ITGA11: variants seen among roughly 807,000 people sequenced by gnomAD.
The protein encoded by ITGA11 is integrin alpha-11.
Under a neutral mutation model 141.9 loss-of-function variants are expected in ITGA11, and 97 were observed. That is an observed-to-expected ratio of 0.68 (90% CI 0.58 to 0.81). ITGA11 has a LOEUF of 0.81. ITGA11 is among the 30% of genes least tolerant of loss of function. ITGA11 has a pLI of 0.00. For missense variants in ITGA11, 1,387 were observed against 1,559.2 expected (o/e 0.89, Z 1.86); for synonymous variants, 658 against 624.6 (o/e 1.05, Z -0.80).
intron 1 of ITGA11, among the ~76,000 whole-genome samples, chr15:68,409,304 T>C (rs1203723086): frequency 6.6e-6 from 1 of 152,174 alleles, no homozygotes; most frequent in African/African-American, 2.4e-5. Flanking sequence ...TTAGGTTATA[T>C]GCTATTCAAG....
intron 3 of ITGA11, among the ~76,000 whole-genome samples, chr15:68,368,410 T>C (rs1387298566): frequency 1.3e-5 from 2 of 152,216 alleles, no homozygotes; most frequent in East Asian, 3.8e-4. Flanking sequence ...AGCACTTTAG[T>C]GGACTGGTGT....
At chr15:68,320,955 G>A (rs1204616898) in intron 19 of ITGA11, among the ~76,000 whole-genome samples, 1 of 152,050 alleles carries the variant, frequency 6.6e-6, no homozygotes, top group East Asian at 1.9e-4. Flanking sequence ...ATGTTCGTTT[G>A]TCTCTTCCAG....
chr15:68,409,187 C>T (rs567714392), intron 1 of ITGA11, among the ~76,000 whole-genome samples: 1 of 152,294 alleles, frequency 6.6e-6, no homozygotes, highest in African/African-American at 2.4e-5. Flanking sequence ...CCTCTGATGA[C>T]ACCTCTGCTG....
intron 24 of ITGA11, among the ~76,000 whole-genome samples, chr15:68,312,407 C>T (rs905855163): frequency 1.1e-4 from 16 of 152,100 alleles, no homozygotes; most frequent in African/African-American, 4.8e-5. Flanking sequence ...GGTAAGTTCA[C>T]GCTGAGGATG....
At chr15:68,338,914 C>T (rs949430432) in intron 11 of ITGA11, among the ~76,000 whole-genome samples, 26 of 152,180 alleles carry the variant, frequency 1.7e-4, no homozygotes, top group Admixed American at 2.6e-4. Flanking sequence ...CAAGCCATGG[C>T]GAATGGGACA....
At chr15:68,345,690 G>A (rs990583445) in intron 10 of ITGA11, among the ~76,000 whole-genome samples, 1 of 152,182 alleles carries the variant, frequency 6.6e-6, no homozygotes, top group Non-Finnish European at 1.5e-5. Context: ...CATCTGTGGC[G>A]CTTCTGGCAG....
chr15:68,398,832 A>AT (rs1896392519), intron 2 of ITGA11, among the ~76,000 whole-genome samples: 1 of 147,376 alleles, frequency 6.8e-6, no homozygotes, highest in Non-Finnish European at 1.5e-5. Flanking sequence ...ATAAAATATA[A>AT]ATATTTTATA....
At chr15:68,315,752 G>A in intron 21 of ITGA11, 25 bp from the exon 22 acceptor site, 4 of 1,577,522 alleles carry the variant, frequency 2.5e-6, no homozygotes, top group Non-Finnish European at 3.5e-6. Context: ...TCGCATGTCT[G>A]GGCATTGCTG....
intron 1 of ITGA11, among the ~76,000 whole-genome samples, chr15:68,412,596 C>T (rs113620787): frequency 1.3e-5 from 2 of 151,508 alleles, no homozygotes; most frequent in Admixed American, 6.6e-5. Context: ...ACGAACTCCC[C>T]GTTAGACAAG....
At chr15:68,330,045 G>A (rs1409381811) in intron 15 of ITGA11, among the ~76,000 whole-genome samples, 2 of 152,250 alleles carry the variant, frequency 1.3e-5, no homozygotes, top group Non-Finnish European at 1.5e-5. Flanking sequence ...AGCAGCACGC[G>A]TGGTGAGGAC....
chr15:68,316,796 T>G (rs1027713119), intron 21 of ITGA11, among the ~76,000 whole-genome samples: 1 of 152,216 alleles, frequency 6.6e-6, no homozygotes, highest in African/African-American at 2.4e-5. Flanking sequence ...AAACACTCCC[T>G]GCAATCTGGC....
chr15:68,379,672 A>G (rs577206416), intron 2 of ITGA11, among the ~76,000 whole-genome samples: 1 of 152,350 alleles, frequency 6.6e-6, no homozygotes, highest in Admixed American at 6.5e-5. Context: ...CTCCCCGCAG[A>G]GAGGCTGGAC....
At position 68,307,571 on chromosome 15, in the gene ITGA11, A is replaced by C; in HGVS notation, c.3285+15T>G. The C allele has an allele frequency of 6.3e-7, 1 of 1,591,104 alleles. No homozygotes were observed. The highest frequency in any genetic ancestry group is 8.6e-7 in the Non-Finnish European group (1 of 1,161,136). On this transcript the variant is annotated intron_variant, in intron 27 of 29. Coordinates refer to ENST00000315757, the MANE Select transcript of ITGA11 (RefSeq NM_001004439.2). The surrounding 1 kb of genome is among the most constrained non-coding windows in gnomAD (Gnocchi z 6.1). ...TCCCTTCTTCCTTCCAGCCCAGCCC[A>C]GGGGCTCTACTTACTGCTTTTAGGG...
At chr15:68,358,704 G>A in intron 5 of ITGA11, 119 bp from the exon 6 acceptor site, 1 of 1,144,740 alleles carries the variant, frequency 8.7e-7, no homozygotes, top group Non-Finnish European at 1.2e-6. Flanking sequence ...TAATTCCCTG[G>A]GCTGGGAAAC....
chr15:68,357,030 A>T, intron 7 of ITGA11, 121 bp downstream of exon 7: 2 of 928,456 alleles, frequency 2.2e-6, no homozygotes, highest in Non-Finnish European at 1.6e-6. Flanking sequence ...CAGAATTTTG[A>T]GGAATTAAGA....
intron 11 of ITGA11, chr15:68,336,218 AATACT>A (rs1018638079): frequency 1.4e-4 from 29 of 209,764 alleles, no homozygotes; most frequent in African/African-American, 5.9e-4. Flanking sequence ...CACTTCAGTT[AATACT>A]GGGGAGACTT....
At chr15:68,348,065 C>T (rs766130852) in intron 10 of ITGA11, among the ~76,000 whole-genome samples, 3 of 152,220 alleles carry the variant, frequency 2.0e-5, no homozygotes, top group Non-Finnish European at 4.4e-5. Flanking sequence ...CAGGACTTTA[C>T]AGTACATTAA....
At chr15:68,319,925 G>T (rs928110921) in intron 20 of ITGA11, among the ~76,000 whole-genome samples, 1 of 151,474 alleles carries the variant, frequency 6.6e-6, no homozygotes, top group Non-Finnish European at 1.5e-5. Flanking sequence ...GCTTTTTAAA[G>T]CTCTCCTGTG....
chr15:68,350,103 T>A (rs1223631208), intron 9 of ITGA11, among the ~76,000 whole-genome samples: 1 of 152,222 alleles, frequency 6.6e-6, no homozygotes, highest in East Asian at 1.9e-4. Flanking sequence ...AATGAGAACA[T>A]TAGCAAAGCA....
Sources: allele counts gnomAD v4.1 joint callset (sites outside exome capture counted in the v4.1 genomes callset), GRCh38; gene constraint gnomAD v4.1.1; non-coding constraint Gnocchi (gnomAD v3.1); transcripts MANE v1.5; gene names NCBI Gene and HGNC (gene_info 2026-07-23, HGNC 2026-07-21).